STK33: variants seen among roughly 807,000 people sequenced by gnomAD.
The protein encoded by STK33 is serine/threonine-protein kinase 33.
STK33 carries 52 observed loss-of-function variants against 58.0 expected under a neutral mutation model. The ratio of observed to expected loss-of-function variants is 0.90; its 90% CI spans 0.72 to 1.13. STK33 has a LOEUF of 1.13. Ranked by LOEUF, STK33 falls within the 50% of genes most tolerant of loss-of-function variation. STK33 has a pLI of 0.00. For synonymous variants in STK33, 215 were observed against 200.1 expected (o/e 1.07, Z -0.63); for missense variants, 630 against 604.2 (o/e 1.04, Z -0.45).
chr11:8,454,713 G>T, intron 10 of STK33, 31 bp downstream of exon 10: 1 of 1,548,908 alleles, frequency 6.5e-7, no homozygotes, highest in East Asian at 2.4e-5. Flanking sequence ...ACTGTTTACA[G>T]GCAAATATTT....
intron 5 of STK33, 111 bp downstream of exon 5, chr11:8,474,570 T>C: frequency 1.3e-6 from 1 of 747,492 alleles, no homozygotes; most frequent in Non-Finnish European, 2.1e-6. Flanking sequence ...TTAATAGTTA[T>C]GAAGGCAATG....
chr11:8,497,025 T>C (rs1470698973), intron 1 of STK33, among the ~76,000 whole-genome samples: 2 of 152,136 alleles, frequency 1.3e-5, no homozygotes, highest in African/African-American at 2.4e-5. Flanking sequence ...TTTCTTATTT[T>C]TGTATATTAT....
chr11:8,340,352 C>A, the STK33 span, among the ~76,000 whole-genome samples: 7 of 152,256 alleles, frequency 4.6e-5, no homozygotes, highest in African/African-American at 1.4e-4. Flanking sequence ...AAGGCAGGGA[C>A]CTTTGGTTTT....
chr11:8,437,089 G>A (rs946901788), intron 12 of STK33, among the ~76,000 whole-genome samples: 1 of 152,150 alleles, frequency 6.6e-6, no homozygotes, highest in Non-Finnish European at 1.5e-5. Context: ...GAAATCAAAA[G>A]GGTCTGAATG....
intron 14 of STK33, among the ~76,000 whole-genome samples, chr11:8,430,892 A>G (rs1312434074): frequency 2.3e-5 from 3 of 132,628 alleles, no homozygotes; most frequent in Non-Finnish European, 3.1e-5. Context: ...TTTGAGATGG[A>G]GTCTTGCTCT....
the STK33 span, among the ~76,000 whole-genome samples, chr11:8,369,985 C>T: frequency 6.6e-6 from 1 of 152,206 alleles, no homozygotes; most frequent in South Asian, 2.1e-4. Flanking sequence ...AGGCAGTTGT[C>T]TGATCTGAGT....
intron 15 of STK33, among the ~76,000 whole-genome samples, chr11:8,403,109 T>C (rs765454953): frequency 6.6e-6 from 1 of 152,138 alleles, no homozygotes; most frequent in Non-Finnish European, 1.5e-5. Context: ...AGGGGAAAGA[T>C]TGTAAATGAT....
intron 1 of STK33, among the ~76,000 whole-genome samples, chr11:8,540,539 C>G (rs1955425749): frequency 6.6e-6 from 1 of 151,978 alleles, no homozygotes; most frequent in South Asian, 2.1e-4. Flanking sequence ...CACGCATATA[C>G]ACACAGGAAT....
intron 1 of STK33, among the ~76,000 whole-genome samples, chr11:8,579,746 TTA>T (rs1958435583): frequency 6.6e-6 from 1 of 152,060 alleles, no homozygotes; most frequent in Admixed American, 6.6e-5. Flanking sequence ...TAAAAGGCTC[TTA>T]CTTATACAAC....
chr11:8,395,345 T>C (rs911752282), intron 15 of STK33, among the ~76,000 whole-genome samples: 4 of 152,210 alleles, frequency 2.6e-5, no homozygotes, highest in African/African-American at 9.7e-5. Context: ...GCACACATTC[T>C]CTTGCCTGCT....
chr11:8,553,228 G>GTATATATATATATATATATATATAGTT (rs1240964298), intron 1 of STK33, among the ~76,000 whole-genome samples: 1 of 94,984 alleles, frequency 1.1e-5, no homozygotes, highest in African/African-American at 4.5e-5. Context: ...TATATATGGT[G>GTATATATATATATATATATATATAGTT]TGTATATATA....
chr11:8,545,288 T>C (rs1443787656), intron 1 of STK33, among the ~76,000 whole-genome samples: 1 of 152,224 alleles, frequency 6.6e-6, no homozygotes, highest in Admixed American at 6.5e-5. Context: ...TGTTGATTTG[T>C]TCTTTTCATC....
Position 8,464,874 on chromosome 11 carries a change from A to G in STK33, c.340-52T>C, listed in dbSNP as rs117080599. On this transcript the variant is annotated intron_variant, in intron 6 of 15. Transcript: ENST00000687296. The stretch of plus-strand genomic sequence containing the variant: ...CTCTCTATGCCATTCATCAGCTATT[A>G]AAAATGAACATATAATACTGACAGA... 8,664 of 1,174,790 alleles carry G rather than the reference A, an allele frequency of 7.4e-3. 49 individuals are homozygous for G. Among genetic ancestry groups the G allele is most frequent in the Non-Finnish European group, 9.3e-3 (7,420 of 800,500 alleles). 72.8% of individuals were successfully genotyped at this position (1,174,790 alleles called of 1,614,324 possible).
chr11:8,392,388 G>A lies in STK33; in HGVS notation c.*122C>T. On this transcript the variant is annotated 3_prime_UTR_variant, in exon 16 of 16. Coordinates refer to ENST00000687296, the MANE Select transcript of STK33 (RefSeq NM_001352389.2). ...TTAAGCTGGTGCAAACACATGGCGG[G>A]GCTCTGTGGAGCTAAAAGGCTACAA... 9.0e-7 allele frequency: 1 copy of A among 1,113,030 alleles called. No individual in the cohort carries two copies. Among genetic ancestry groups the A allele is most frequent in the Non-Finnish European group, 1.3e-6 (1 of 762,098 alleles). 68.9% of individuals were successfully genotyped at this position (1,113,030 alleles called of 1,614,324 possible).
intron 10 of STK33, 31 bp from the exon 11 acceptor site, chr11:8,452,937 G>A (rs1284483298): frequency 1.3e-6 from 2 of 1,581,388 alleles, no homozygotes; most frequent in Admixed American, 1.7e-5. Flanking sequence ...ACAGTCACCT[G>A]TTTTCCTGTC....
the STK33 span, among the ~76,000 whole-genome samples, chr11:8,382,018 C>A: frequency 2.2e-4 from 34 of 152,180 alleles, no homozygotes; most frequent in African/African-American, 7.7e-4. Context: ...CAGTATGCAC[C>A]GTGCCTCTCC....
chr11:8,347,327 G>A, the STK33 span, among the ~76,000 whole-genome samples: 1 of 152,216 alleles, frequency 6.6e-6, no homozygotes, highest in African/African-American at 2.4e-5. Context: ...TAGGTGCTGA[G>A]TCCTTGAAAC....
chr11:8,448,304 A>G (rs1203634414), intron 11 of STK33, among the ~76,000 whole-genome samples: 1 of 152,196 alleles, frequency 6.6e-6, no homozygotes, highest in Non-Finnish European at 1.5e-5. Flanking sequence ...TATGGAGCCA[A>G]AAAAGAGCCC....
chr11:8,513,421 G>A (rs757398277), intron 1 of STK33, among the ~76,000 whole-genome samples: 1 of 152,068 alleles, frequency 6.6e-6, no homozygotes, highest in Non-Finnish European at 1.5e-5. Context: ...GTGTAAATAA[G>A]GCACTATTCA....
Sources: allele counts gnomAD v4.1 joint callset (sites outside exome capture counted in the v4.1 genomes callset), GRCh38; gene constraint gnomAD v4.1.1; transcripts MANE v1.5; gene names NCBI Gene and HGNC (gene_info 2026-07-23, HGNC 2026-07-21).